The following TEX9 variants were observed in gnomAD, a reference collection of about 807,000 sequenced individuals.
TEX9 encodes testis-expressed protein 9.
TEX9 carries 74 observed loss-of-function variants against 59.6 expected under a neutral mutation model. The ratio of observed to expected loss-of-function variants is 1.24; its 90% CI spans 1.03 to 1.51. TEX9 has a LOEUF of 1.51. Ranked by LOEUF, TEX9 falls within the 40% of genes most tolerant of loss-of-function variation. The probability of loss-of-function intolerance (pLI) is 0.00; values close to 1 mark genes in which losing one functional copy is unlikely to be tolerated. For missense variants in TEX9, 522 were observed against 447.8 expected, an observed-to-expected ratio of 1.17 and a Z score of -1.49; for synonymous variants, 186 against 152.2, an observed-to-expected ratio of 1.22 and a Z score of -1.64.
intron 1 of TEX9, among the ~76,000 whole-genome samples, chr15:56,303,954 T>A (rs1454727698): frequency 6.6e-6 from 1 of 152,014 alleles, no homozygotes; most frequent in Non-Finnish European, 1.5e-5. Context: ...CATGAAGAAA[T>A]CCAAAACATG....
intron 1 of TEX9, among the ~76,000 whole-genome samples, chr15:56,317,213 A>G (rs932891565): frequency 5.9e-5 from 9 of 152,334 alleles, no homozygotes; most frequent in Admixed American, 1.3e-4. Flanking sequence ...TATGGATTCA[A>G]TATCTTGTTA....
intron 1 of TEX9, among the ~76,000 whole-genome samples, chr15:56,277,361 G>A (rs1406016548): frequency 2.0e-5 from 3 of 152,182 alleles, no homozygotes; most frequent in Non-Finnish European, 2.9e-5. Context: ...TAAGGTTTAA[G>A]GAAGGGGTCC....
rs1488963066 is a variant in TEX9 at position 56,390,141 on chromosome 15, T to A, written c.395+741T>A. ...GAGTGAAGTGATAAGGAACAGAAATTAACTATACAATAGATTGAAGAAAAG... is the reference window on the plus strand; with the variant it reads ...GAGTGAAGTGATAAGGAACAGAAATAAACTATACAATAGATTGAAGAAAAG... On this transcript the variant is annotated intron_variant, in intron 6 of 12. Coordinates refer to ENST00000352903, the Ensembl canonical transcript of TEX9. Among the ~76,000 whole-genome samples the A allele has an allele frequency of 3.3e-5, 5 of 151,902 alleles. 1 individual carries two copies. The highest frequency in any genetic ancestry group is 1.2e-4 in the African/African-American group (5 of 41,370).
At chr15:56,405,171 G>A (rs1184810351) in intron 9 of TEX9, among the ~76,000 whole-genome samples, 3 of 152,058 alleles carry the variant, frequency 2.0e-5, no homozygotes, top group Non-Finnish European at 4.4e-5. Flanking sequence ...GGGCGTGGTG[G>A]TGGGCGCCTG....
chr15:56,426,022 G>C (rs1461624146), intron 10 of TEX9, among the ~76,000 whole-genome samples: 1 of 152,080 alleles, frequency 6.6e-6, no homozygotes, highest in Non-Finnish European at 1.5e-5. Flanking sequence ...CTTCTTCTCA[G>C]AGATTTAGAT....
chr15:56,350,099 A>T (rs1010202035), intron 1 of TEX9, among the ~76,000 whole-genome samples: 7 of 151,958 alleles, frequency 4.6e-5, no homozygotes, highest in Admixed American at 1.3e-4. Flanking sequence ...TTATGTGTAT[A>T]TTTCTTTTTC....
At chr15:56,454,456 T>A in the TEX9 span, among the ~76,000 whole-genome samples, 1 of 152,198 alleles carries the variant, frequency 6.6e-6, no homozygotes, top group Non-Finnish European at 1.5e-5. Flanking sequence ...TCATTCATTC[T>A]ATTTTTTTTG....
chr15:56,315,339 A>C (rs62046707), intron 1 of TEX9, among the ~76,000 whole-genome samples: 24,420 of 143,114 alleles, frequency 0.17, 2,704 homozygotes, highest in Non-Finnish European at 0.25. Flanking sequence ...CTTGTAAGGC[A>C]GGCCTGGTGG....
rs118139810 is a variant in TEX9, at chr15:56,419,133, T to C, written c.963+6697T>C. Among the ~76,000 whole-genome samples the C allele has an allele frequency of 6.0e-4, 91 of 151,944 alleles. 2 individuals are homozygous for C. Among genetic ancestry groups the C allele is most frequent in the Non-Finnish European group, 1.2e-3 (81 of 68,014 alleles). On this transcript the variant is annotated intron_variant, in intron 10 of 12. Transcript: ENST00000352903. The stretch of plus-strand genomic sequence containing the variant: ...TTTACACACTTTTTTTTCAAACTTA[T>C]CTCTTAGTGTTTCCGTTTTTTGATG...
intron 1 of TEX9, among the ~76,000 whole-genome samples, chr15:56,316,818 A>C (rs1291988991): frequency 1.3e-5 from 2 of 151,920 alleles, no homozygotes; most frequent in Admixed American, 6.6e-5. Context: ...TGAGCGTAGG[A>C]CCCTCCAAGC....
chr15:56,387,668 A>G (rs563247319), intron 4 of TEX9, among the ~76,000 whole-genome samples: 11 of 152,086 alleles, frequency 7.2e-5, no homozygotes, highest in Non-Finnish European at 1.5e-4. Flanking sequence ...TTTCAGAGAT[A>G]TAAATACAAT....
At chr15:56,339,391 A>AAAAAAAAAAC (rs2046323825) in intron 1 of TEX9, among the ~76,000 whole-genome samples, 2 of 109,840 alleles carry the variant, frequency 1.8e-5, no homozygotes, top group East Asian at 2.9e-4. Context: ...TCCAAAAAAA[A>AAAAAAAAAAC]AAAAAAAAAA....
chr15:56,357,062 G>C (rs1387084439), intron 1 of TEX9, among the ~76,000 whole-genome samples: 1 of 152,116 alleles, frequency 6.6e-6, no homozygotes, highest in African/African-American at 2.4e-5. Flanking sequence ...TGTTTCCTGA[G>C]ATAGAGTGCT....
downstream of TEX9, among the ~76,000 whole-genome samples, chr15:56,446,684 G>C (rs1411491916): frequency 1.3e-5 from 2 of 151,842 alleles, no homozygotes; most frequent in African/African-American, 4.8e-5. Context: ...ATGAAATCAC[G>C]CAGGATTTTC....
rs763185572 is a variant in TEX9, at chr15:56,444,673, T to C, written c.*30-998T>C. 7 of 1,608,882 alleles carry C rather than the reference T, an allele frequency of 4.4e-6. No homozygotes were observed. In the South Asian group the frequency reaches 5.5e-5, roughly 13 times the overall value. ...GTTTTGGCTATTTCAGCATCACGTT[T>C]CTGTTATTAAAACAAAATTGATCTT... On this transcript the variant is annotated intron_variant, in intron 12 of 12. Transcript: ENST00000352903.
chr15:56,441,498 G>A (rs562238195), intron 12 of TEX9, among the ~76,000 whole-genome samples: 1 of 151,974 alleles, frequency 6.6e-6, no homozygotes, highest in South Asian at 2.1e-4. Context: ...CATAGGACCT[G>A]GCAAAGATTT....
intron 2 of TEX9, among the ~76,000 whole-genome samples, chr15:56,372,409 C>T (rs1469664914): frequency 6.6e-6 from 1 of 151,826 alleles, no homozygotes; most frequent in Admixed American, 6.6e-5. Context: ...TTTTAAAATC[C>T]TTAACATGTC....
chr15:56,316,486 T>G (rs1312464744), intron 1 of TEX9, among the ~76,000 whole-genome samples: 2 of 150,040 alleles, frequency 1.3e-5, no homozygotes, highest in African/African-American at 4.9e-5. Context: ...AGGGACCCAC[T>G]TGAGGAGGCA....
At chr15:56,338,884 C>T (rs945706636) in intron 1 of TEX9, among the ~76,000 whole-genome samples, 9 of 152,060 alleles carry the variant, frequency 5.9e-5, no homozygotes, top group East Asian at 1.9e-4. Context: ...CACCATTGGT[C>T]TCCAGCCTGG....
Sources: gnomAD v4.1 joint callset for allele counts (sites outside exome capture counted in the v4.1 genomes callset) on GRCh38, gnomAD v4.1.1 for gene constraint, MANE v1.5 for transcripts, NCBI Gene and HGNC (gene_info 2026-07-23, HGNC 2026-07-21) for gene names.